The following GBP5 variants were observed in gnomAD, a reference collection of about 807,000 sequenced individuals.
The protein encoded by GBP5 is guanylate binding protein 5.
Under a neutral mutation model 58.2 loss-of-function variants are expected in GBP5, and 48 were observed. The observed-to-expected ratio is 0.83, with a 90% CI of 0.65 to 1.05. The LOEUF is 1.05. GBP5 is among the 50% of genes least tolerant of loss of function. The pLI, the probability that GBP5 is intolerant of heterozygous loss-of-function variation, is 0.00. For missense variants in GBP5, 714 were observed against 686.8 expected, an observed-to-expected ratio of 1.04 and a Z score of -0.44; for synonymous variants, 248 against 251.8, an observed-to-expected ratio of 0.98 and a Z score of 0.14.
At chr1:89,272,378 T>A (rs1650492574) in intron 1 of GBP5, 74 bp downstream of exon 1, 1 of 153,134 alleles carries the variant, frequency 6.5e-6, no homozygotes, top group South Asian at 2.0e-4. Context: ...ATAAGCTGCA[T>A]CCTATCCTTT....
Position 89,266,471 on chromosome 1 carries a change from A to G in GBP5, c.743T>C (p.Leu248Pro). 1 of 1,614,196 alleles carries G rather than the reference A, an allele frequency of 6.2e-7. No individual in the cohort carries two copies. The highest frequency in any genetic ancestry group is 8.5e-7 in the Non-Finnish European group (1 of 1,180,016). The change falls in exon 7 of 12, where the codon CTT (leucine) becomes CCT (proline). Residue 248 changes from leucine to proline, a missense_variant. Coordinates refer to ENST00000370459, the MANE Select transcript of GBP5 (RefSeq NM_052942.5). ...TAGCTCATCATCAGGCAGTGTTTCA[A>G]GTTGGGCAAGCTTTTTTTGGTGAGC... Reference protein sequence around the residue: ...LPAHQKKLAQLETLPDDELEP... With the variant: ...LPAHQKKLAQPETLPDDELEP...
At chr1:89,272,120 C>T (rs749850110) in intron 1 of GBP5, 10 of 152,034 alleles carry the variant, frequency 6.6e-5, no homozygotes, top group Admixed American at 2.6e-4. Flanking sequence ...TGCTGAAGTT[C>T]GAGTCAGTTT....
rs149139238 is a variant in GBP5 at position 89,257,244 on chromosome 1, C to T, written c.*3460G>A. On this transcript the variant is annotated 3_prime_UTR_variant, in exon 12 of 12. Coordinates refer to ENST00000370459, the MANE Select transcript of GBP5 (RefSeq NM_052942.5). ...GAAAGAGGAACAAAGGCACATCTTA[C>T]ATGGTGTCAGGCAAGAGAGCATGTG... 5.3e-5 allele frequency among the ~76,000 whole-genome samples: 8 copies of T among 152,306 alleles called. No individual in the cohort carries two copies. The East Asian group carries it at 1.5e-3, about 29-fold the overall frequency.
Position 89,266,460 on chromosome 1 carries a change from G to C in GBP5, c.754C>G (p.Pro252Ala). Reference protein sequence around the residue: ...QKKLAQLETLPDDELEPEFVQ... With the variant: ...QKKLAQLETLADDELEPEFVQ... ...AATTCAGGCTCTAGCTCATCATCAG[G>C]CAGTGTTTCAAGTTGGGCAAGCTTT... The change falls in exon 7 of 12, where the codon CCT becomes GCT. Residue 252 changes from proline (P) to alanine (A), a missense_variant. Transcript: ENST00000370459. The C allele has an allele frequency of 1.2e-6, 2 of 1,614,166 alleles. No individual in the cohort carries two copies. The highest frequency in any genetic ancestry group is 1.7e-6 in the Non-Finnish European group (2 of 1,180,002).
intron 5 of GBP5, 22 bp from the exon 6 acceptor site, chr1:89,267,175 C>A: frequency 6.4e-7 from 1 of 1,563,260 alleles, no homozygotes; most frequent in Non-Finnish European, 8.6e-7. Context: ...TTAAAGAAAA[C>A]TGGCAGAAAT....
At position 89,266,712 on chromosome 1, in the gene GBP5, A is replaced by G. The variant is rs983247154; in HGVS notation, c.626-124T>C. 7.2e-6 allele frequency: 7 copies of G among 969,808 alleles called. No homozygotes were observed. The East Asian group carries it at 1.3e-4, about 18-fold the overall frequency. The allele number at this position is 969,808 out of a possible 1,614,324, so 60.1% of individuals were successfully genotyped here. A position where few individuals can be genotyped will look rare whatever the true frequency, so the allele number is the denominator to read the frequency against. The stretch of plus-strand genomic sequence containing the variant: ...TAATATATCTTCATAAACCCTAAGT[A>G]AAAAGCAAAATGGTAACTAATCAGG... On this transcript the variant is annotated intron_variant, in intron 6 of 11. Transcript: ENST00000370459.
rs771056238 is a variant in GBP5, at chr1:89,262,693, T to G, written c.1455A>C (p.Lys485Asn). Residue 485 changes from lysine to asparagine, a missense_variant, in exon 10 of 12, where the codon AAA becomes AAC. By Grantham distance (94) the Lys-to-Asn change is moderately conservative (BLOSUM62 0). Coordinates refer to ENST00000370459, the MANE Select transcript of GBP5 (RefSeq NM_052942.5). ...CCACTTTCTTCTCACCTTTCTTCTT[T>G]TTTTCCGTCTCTGTGAGAGCCTGGT... is the stretch of plus-strand genomic sequence containing the variant. ...QTDQALTETE[K>N]KKKEAQVKAE... 1 of 1,599,918 alleles carries G rather than the reference T, an allele frequency of 6.3e-7. No individual in the cohort carries two copies. Among genetic ancestry groups the G allele is most frequent in the Non-Finnish European group, 8.6e-7 (1 of 1,168,268 alleles).
chr1:89,258,834 G>T lies in GBP5; in HGVS notation c.*1870C>A, dbSNP rs569772931. 17 of 152,052 alleles carry T rather than the reference G, an allele frequency of 1.1e-4. No individual in the cohort carries two copies. Among genetic ancestry groups the T allele is most frequent in the Non-Finnish European group, 2.5e-4 (17 of 67,976 alleles). 9.4% of individuals were successfully genotyped at this position (152,052 alleles called of 1,614,324 possible). Reference sequence around the variant, plus strand: ...CAAAGTAACAAAAAGTACATAAAAAGATGTAATAAAGTGTGTTTTAATTCT... The same window carrying T: ...CAAAGTAACAAAAAGTACATAAAAATATGTAATAAAGTGTGTTTTAATTCT... On this transcript the variant is annotated 3_prime_UTR_variant, in exon 12 of 12. Coordinates refer to ENST00000370459, the MANE Select transcript of GBP5 (RefSeq NM_052942.5).
At chr1:89,266,638 T>C (rs1650232700) in intron 6 of GBP5, 50 bp from the exon 7 acceptor site, 2 of 1,493,286 alleles carry the variant, frequency 1.3e-6, no homozygotes, top group Non-Finnish European at 1.8e-6. Context: ...GCACTCATTT[T>C]CATTTATTTA....
At chr1:89,263,590 T>C (rs1650093055) in intron 9 of GBP5, 146 bp downstream of exon 9, 1 of 591,898 alleles carries the variant, frequency 1.7e-6, no homozygotes. Flanking sequence ...TGTTTTTCCA[T>C]AAATGCTTAT....
At chr1:89,265,504 G>A (rs575515860) in intron 7 of GBP5, among the ~76,000 whole-genome samples, 13 of 151,184 alleles carry the variant, frequency 8.6e-5, no homozygotes, top group South Asian at 2.1e-4. Flanking sequence ...TGAGGCGGGC[G>A]GATCACGAGG....
At position 89,260,528 on chromosome 1, in the gene GBP5, A is replaced by C. The variant is rs921728543; in HGVS notation, c.*176T>G. 7.3e-6 allele frequency: 4 copies of C among 551,000 alleles called. No individual in the cohort carries two copies. The African/African-American group carries it at 7.5e-5, about 10-fold the overall frequency. The allele number at this position is 551,000 out of a possible 1,614,324, so 34.1% of individuals were successfully genotyped here. A position where few individuals can be genotyped will look rare whatever the true frequency, so the allele number is the denominator to read the frequency against. On this transcript the variant is annotated 3_prime_UTR_variant, in exon 12 of 12. Coordinates refer to ENST00000370459, the MANE Select transcript of GBP5 (RefSeq NM_052942.5). ...CAATAAACATTTAAACTATTGGACT[A>C]CTGGGATGTACATTTTACCAGATAC...
At chr1:89,262,573 A>C in intron 10 of GBP5, 110 bp downstream of exon 10, 2 of 911,362 alleles carry the variant, frequency 2.2e-6, no homozygotes, top group Admixed American at 4.5e-5. Flanking sequence ...GGAGCTAAGA[A>C]GCATCTTTGC....
intron 11 of GBP5, 51 bp from the exon 12 acceptor site, chr1:89,260,868 A>C: frequency 7.8e-7 from 1 of 1,288,968 alleles, no homozygotes; most frequent in African/African-American, 1.5e-5. Flanking sequence ...TGATTGCCTA[A>C]ATCACTCACT....
rs1031784142 is a variant in GBP5 at position 89,266,862 on chromosome 1, T to A, written c.625+95A>T. The A allele has an allele frequency of 1.1e-4, 88 of 793,214 alleles. 1 individual carries two copies. Among genetic ancestry groups the A allele is most frequent in the Admixed American group, 2.0e-4 (7 of 35,540 alleles). The allele number at this position is 793,214 out of a possible 1,614,324, so 49.1% of individuals were successfully genotyped here. ...TAGGAGAGCTGGGTGAATATATATA[T>A]ATATAGAAAACCATAAATTTAACCA... On this transcript the variant is annotated intron_variant, in intron 6 of 11. Coordinates refer to ENST00000370459, the MANE Select transcript of GBP5 (RefSeq NM_052942.5).
In GBP5 at chr1:89,258,529, A is replaced by G. The variant is rs1649865492; in HGVS notation, c.*2175T>C. The stretch of plus-strand genomic sequence containing the variant: ...ACCTTCTGAACTTCAGTTCAAATCT[A>G]GAAATACTGCTGAGTAGCACCACAT... On this transcript the variant is annotated 3_prime_UTR_variant, in exon 12 of 12. Transcript: ENST00000370459. 6.6e-6 allele frequency among the ~76,000 whole-genome samples: 1 copy of G among 152,214 alleles called. No homozygotes were observed. The highest frequency in any genetic ancestry group is 1.5e-5 in the Non-Finnish European group (1 of 68,028).
In GBP5 at chr1:89,258,934, C is replaced by T. The variant is rs949459712; in HGVS notation, c.*1770G>A. 2.0e-5 allele frequency: 3 copies of T among 151,966 alleles called. No individual in the cohort carries two copies. Among genetic ancestry groups the T allele is most frequent in the African/African-American group, 7.2e-5 (3 of 41,386 alleles). The allele number at this position is 151,966 out of a possible 1,614,324, so 9.4% of individuals were successfully genotyped here. ...TAGACTTTTAACTTTGAGAAAAATA[C>T]AAACAAAGGAACTGATTTATGGTTT... On this transcript the variant is annotated 3_prime_UTR_variant, in exon 12 of 12. Transcript: ENST00000370459.
chr1:89,267,063 G>C lies in GBP5; in HGVS notation c.519C>G (p.Phe173Leu). 1 of 1,613,390 alleles carries C rather than the reference G, an allele frequency of 6.2e-7. No individual in the cohort carries two copies. Among genetic ancestry groups the C allele is most frequent in the Non-Finnish European group, 8.5e-7 (1 of 1,179,854 alleles). ...VEDPADSASF[F>L]PDLVWTLRDF... ...CTCTCAGAGTCCACACTAAGTCTGG[G>C]AAGAAGCTCGCAGAGTCAGCAGGAT... The change falls in exon 6 of 12, where the codon TTC becomes TTG. Residue 173 changes from phenylalanine (F) to leucine (L), a missense_variant. Physicochemically the swap from Phe to Leu is conservative, Grantham distance 22. Transcript: ENST00000370459.
chr1:89,268,736 A>G lies in GBP5; in HGVS notation c.311T>C (p.Val104Ala). ...VLLDTEGLGD[V>A]EKADNKNDIQ... ...AAAGGAATCCTTCCTTACCTTCTCT[A>G]CATCTCCCAGGCCCTCGGTGTCAAG... Residue 104 changes from valine (V) to alanine (A), a missense_variant, in exon 4 of 12, where the codon GTA becomes GCA. Transcript: ENST00000370459. 2 of 1,613,982 alleles carry G rather than the reference A, an allele frequency of 1.2e-6. No homozygotes were observed. The highest frequency in any genetic ancestry group is 8.5e-7 in the Non-Finnish European group (1 of 1,179,922).
Sources: allele counts gnomAD v4.1 joint callset (sites outside exome capture counted in the v4.1 genomes callset), GRCh38; gene constraint gnomAD v4.1.1; transcripts MANE v1.5; gene names NCBI Gene and HGNC (gene_info 2026-07-23, HGNC 2026-07-21).